The following SLC11A2 variants were observed in gnomAD, a reference collection of about 807,000 sequenced individuals.
SLC11A2 encodes the protein natural resistance-associated macrophage protein 2.
In SLC11A2, 38 loss-of-function variants were observed where a neutral mutation model predicts 68.0. The ratio of observed to expected loss-of-function variants is 0.56; its 90% CI spans 0.43 to 0.73. SLC11A2 has a LOEUF of 0.73. Ranked by LOEUF, SLC11A2 falls within the 30% of genes least tolerant of loss-of-function variation. The pLI, the probability that SLC11A2 is intolerant of heterozygous loss-of-function variation, is 0.00. For missense variants in SLC11A2, 517 were observed against 690.5 expected (o/e 0.75, Z 2.82); for synonymous variants, 242 against 250.6 (o/e 0.97, Z 0.32).
the SLC11A2 span, among the ~76,000 whole-genome samples, chr12:50,968,154 T>G: frequency 2.0e-5 from 3 of 151,464 alleles, no homozygotes; most frequent in Non-Finnish European, 3.0e-5. Flanking sequence ...GAGAAGGGAT[T>G]TATTACAGAG....
chr12:50,969,375 T>C, the SLC11A2 span, among the ~76,000 whole-genome samples: 2 of 152,058 alleles, frequency 1.3e-5, no homozygotes, highest in Non-Finnish European at 2.9e-5. Flanking sequence ...TCTGGAAAGT[T>C]TGGAGACCAC....
At chr12:51,023,991 G>T (rs1177650863) in intron 1 of SLC11A2, among the ~76,000 whole-genome samples, 2 of 152,064 alleles carry the variant, frequency 1.3e-5, no homozygotes, top group South Asian at 4.1e-4. Flanking sequence ...ACCTTGTCTT[G>T]TGGGGGGTGG....
At chr12:50,965,470 C>A in the SLC11A2 span, among the ~76,000 whole-genome samples, 1 of 152,056 alleles carries the variant, frequency 6.6e-6, no homozygotes, top group African/African-American at 2.4e-5. Flanking sequence ...ACTATAATAG[C>A]CCTTACTTTG....
At chr12:51,015,053 G>A (rs1328800291) in intron 1 of SLC11A2, among the ~76,000 whole-genome samples, 1 of 151,344 alleles carries the variant, frequency 6.6e-6, no homozygotes, top group East Asian at 1.9e-4. Context: ...CCAGCTACTC[G>A]GAACGCTAAA....
At chr12:51,022,732 CT>C (rs1409946088) in intron 1 of SLC11A2, among the ~76,000 whole-genome samples, 2 of 152,162 alleles carry the variant, frequency 1.3e-5, no homozygotes, top group African/African-American at 4.8e-5. Flanking sequence ...CCTCTTTCTG[CT>C]CTTTGAAACC....
intron 1 of SLC11A2, among the ~76,000 whole-genome samples, chr12:51,020,465 C>T (rs1943965532): frequency 6.6e-6 from 1 of 152,096 alleles, no homozygotes; most frequent in Non-Finnish European, 1.5e-5. Context: ...TAGAAAAAGG[C>T]CTCAAAACTC....
At chr12:51,001,450 C>T (rs186412502) in intron 5 of SLC11A2, among the ~76,000 whole-genome samples, 2 of 151,884 alleles carry the variant, frequency 1.3e-5, no homozygotes, top group East Asian at 1.9e-4. Flanking sequence ...GGCTTAATAT[C>T]GGGGTGATGT....
At chr12:50,975,030 CAAT>C (rs1159775798), downstream of SLC11A2, among the ~76,000 whole-genome samples, 2 of 152,120 alleles carry the variant, frequency 1.3e-5, no homozygotes, top group Non-Finnish European at 2.9e-5. Flanking sequence ...GACTCCCACA[CAAT>C]AATAATGGGA....
At chr12:50,981,673 G>C (rs954073130), downstream of SLC11A2, 9 of 1,197,096 alleles carry the variant, frequency 7.5e-6, no homozygotes, top group Non-Finnish European at 9.5e-6. Flanking sequence ...GGGACACCTG[G>C]CACAAAAAGG....
the SLC11A2 span, among the ~76,000 whole-genome samples, chr12:50,965,977 C>T: frequency 6.6e-6 from 1 of 152,136 alleles, no homozygotes; most frequent in African/African-American, 2.4e-5. Flanking sequence ...TTTTGTTCAC[C>T]AAACCTAGAG....
downstream of SLC11A2, chr12:50,980,362 A>G (rs1440283104): frequency 6.3e-6 from 1 of 159,938 alleles, no homozygotes; most frequent in Admixed American, 6.0e-5. Flanking sequence ...TCCACTAAAA[A>G]TGTGGTGCCT....
At position 50,988,210 on chromosome 12, in the gene SLC11A2, T is replaced by C. The variant is rs371736382; in HGVS notation, c.*115A>G. On this transcript the variant is annotated 3_prime_UTR_variant, in exon 16 of 16. Coordinates refer to ENST00000262052, the MANE Select transcript of SLC11A2 (RefSeq NM_000617.3). ...AAACAAAGTCTTTTCCAACCAACGG[T>C]TGAGTCATAAACACAGTCTGTGCAA... The C allele has an allele frequency of 3.0e-5, 47 of 1,576,876 alleles. No individual in the cohort carries two copies. The highest frequency in any genetic ancestry group is 3.8e-4 in the Middle Eastern group (2 of 5,312).
intron 8 of SLC11A2, among the ~76,000 whole-genome samples, chr12:50,998,669 T>C (rs974697764): frequency 2.0e-5 from 3 of 152,200 alleles, no homozygotes; most frequent in Non-Finnish European, 2.9e-5. Flanking sequence ...AGAAAGGTGC[T>C]AGTACTGCAA....
intron 1 of SLC11A2, among the ~76,000 whole-genome samples, chr12:51,018,058 A>G (rs1262174163): frequency 6.6e-6 from 1 of 152,326 alleles, no homozygotes; most frequent in East Asian, 1.9e-4. Flanking sequence ...TAGCATTTAT[A>G]AGAACTCTGG....
At chr12:51,012,065 C>CGTT (rs1258705408) in intron 1 of SLC11A2, among the ~76,000 whole-genome samples, 50 of 152,120 alleles carry the variant, frequency 3.3e-4, no homozygotes, top group African/African-American at 1.2e-3. Context: ...ATTCCTCAAC[C>CGTT]CTCTGACAAC....
At chr12:50,999,538 G>A in intron 6 of SLC11A2, 123 bp from the exon 7 acceptor site, 1 of 805,402 alleles carries the variant, frequency 1.2e-6, no homozygotes, top group East Asian at 2.6e-5. Flanking sequence ...TGAGGGAGGA[G>A]GGACAATGGC....
chr12:51,016,004 C>T (rs1316670853), intron 1 of SLC11A2, among the ~76,000 whole-genome samples: 2 of 151,496 alleles, frequency 1.3e-5, no homozygotes, highest in Non-Finnish European at 2.9e-5. Flanking sequence ...AGGATGGTCT[C>T]GATCTCCTGA....
At chr12:50,998,696 T>C (rs1941947294) in intron 8 of SLC11A2, among the ~76,000 whole-genome samples, 1 of 152,220 alleles carries the variant, frequency 6.6e-6, no homozygotes, top group Non-Finnish European at 1.5e-5. Flanking sequence ...TTAGTGACTC[T>C]AAGGAGTTTC....
chr12:50,981,789 C>G, downstream of SLC11A2: 4 of 1,529,932 alleles, frequency 2.6e-6, no homozygotes. Context: ...GCTGAGCTGT[C>G]AATCCCAGAT....
Sources: allele counts gnomAD v4.1 joint callset (sites outside exome capture counted in the v4.1 genomes callset), GRCh38; gene constraint gnomAD v4.1.1; transcripts MANE v1.5; gene names NCBI Gene and HGNC (gene_info 2026-07-23, HGNC 2026-07-21).